POLN: variants seen among roughly 807,000 people sequenced by gnomAD.
POLN encodes the protein DNA polymerase nu, also known as DNA polymerase N.
A neutral mutation model predicts 113.5 loss-of-function variants in POLN; 108 were observed. The observed-to-expected ratio is 0.95, with a 90% CI of 0.81 to 1.12. POLN has a LOEUF of 1.12. Ranked by LOEUF, POLN falls within the 50% of genes most tolerant of loss-of-function variation. The pLI, the probability that POLN is intolerant of heterozygous loss-of-function variation, is 0.00. For synonymous variants in POLN, 386 were observed against 391.5 expected, an observed-to-expected ratio of 0.99 and a Z score of 0.17; for missense variants, 1,097 against 1,077.1, an observed-to-expected ratio of 1.02 and a Z score of -0.26.
chr4:2,073,936 G>A (rs1254310555), intron 24 of POLN, among the ~76,000 whole-genome samples: 1 of 152,222 alleles, frequency 6.6e-6, no homozygotes, highest in Non-Finnish European at 1.5e-5. Context: ...CGGCCAGCAG[G>A]TGGGCACACG....
intron 16 of POLN, 200 bp downstream of exon 16, chr4:2,156,588 C>A: frequency 1.5e-6 from 1 of 653,032 alleles, no homozygotes; most frequent in Non-Finnish European, 2.8e-6. Flanking sequence ...CTCTTGCTAA[C>A]TCAGCACTTC....
chr4:2,077,709 T>C (rs968078905), intron 23 of POLN, among the ~76,000 whole-genome samples: 1 of 152,222 alleles, frequency 6.6e-6, no homozygotes, highest in African/African-American at 2.4e-5. Context: ...TGAAATTACA[T>C]TGTGAAATTC....
chr4:2,242,102 T>C lies in POLN; in HGVS notation c.-335A>G. On this transcript the variant is annotated 5_prime_UTR_variant, in exon 1 of 26. Transcript: ENST00000511885. ...AGGAGCCCGCCGCCACCGCCCTCCG[T>C]GCCCCGCGCGCCTCGCACTGCCTCA... The C allele has an allele frequency of 1.0e-6, 1 of 985,882 alleles. No homozygotes were observed. 61.1% of individuals were successfully genotyped at this position (985,882 alleles called of 1,614,324 possible).
chr4:2,084,757 C>T (rs557959076), intron 21 of POLN, among the ~76,000 whole-genome samples: 1 of 152,224 alleles, frequency 6.6e-6, no homozygotes, highest in Non-Finnish European at 1.5e-5. Context: ...ATCTAAGATG[C>T]TGGTCCTGCT....
At chr4:2,075,315 C>T in intron 24 of POLN, 137 bp downstream of exon 24, 2 of 967,884 alleles carry the variant, frequency 2.1e-6, no homozygotes, top group Non-Finnish European at 3.0e-6. Flanking sequence ...ACCCAGGTGA[C>T]ACAGCAGCAA....
chr4:2,079,946 A>G (rs1730364711), intron 23 of POLN: 8 of 985,442 alleles, frequency 8.1e-6, no homozygotes, highest in African/African-American at 3.5e-5. Flanking sequence ...TGCAGAAAGC[A>G]GCACTGAGAG....
chr4:2,230,621 A>T (rs907988392), intron 2 of POLN: 7 of 152,074 alleles, frequency 4.6e-5, no homozygotes, highest in Non-Finnish European at 1.0e-4. Flanking sequence ...TCAAAAATCA[A>T]GAAGGTTCAT....
At chr4:2,077,551 G>A (rs1378505205) in intron 23 of POLN, among the ~76,000 whole-genome samples, 2 of 152,268 alleles carry the variant, frequency 1.3e-5, no homozygotes, top group Non-Finnish European at 2.9e-5. Flanking sequence ...CAGGCTGTCA[G>A]CACCAGCAAG....
At chr4:2,118,165 C>T (rs1162330818) in intron 19 of POLN, among the ~76,000 whole-genome samples, 1 of 152,186 alleles carries the variant, frequency 6.6e-6, no homozygotes, top group Non-Finnish European at 1.5e-5. Flanking sequence ...CAAACTTTTA[C>T]CCTTTTTTAC....
intron 6 of POLN, 97 bp downstream of exon 6, chr4:2,198,425 TAA>T: frequency 2.7e-6 from 3 of 1,128,360 alleles, no homozygotes; most frequent in Non-Finnish European, 3.6e-6. Flanking sequence ...ACAAAACTTC[TAA>T]AAGTTTAAAC....
intron 19 of POLN, among the ~76,000 whole-genome samples, chr4:2,096,728 GAGAC>G (rs1308601004): frequency 6.0e-4 from 89 of 147,984 alleles, no homozygotes; most frequent in African/African-American, 2.0e-3. Context: ...GAGAGAGAGA[GAGAC>G]ACACAGAGAG....
chr4:2,073,889 T>C (rs866310782), intron 24 of POLN, among the ~76,000 whole-genome samples: 2 of 152,268 alleles, frequency 1.3e-5, no homozygotes, highest in Admixed American at 6.5e-5. Context: ...CTCAATGTCT[T>C]CTGTGCAGGA....
intron 19 of POLN, among the ~76,000 whole-genome samples, chr4:2,106,536 T>C (rs1422719670): frequency 6.6e-6 from 1 of 152,178 alleles, no homozygotes; most frequent in Admixed American, 6.5e-5. Context: ...CTTATAAAAC[T>C]TAGCTGTTGA....
chr4:2,115,488 T>C (rs977662228), intron 19 of POLN, among the ~76,000 whole-genome samples: 26 of 152,204 alleles, frequency 1.7e-4, no homozygotes, highest in Admixed American at 5.2e-4. Context: ...TGAGACATAT[T>C]AGCATTTTAA....
intron 23 of POLN, chr4:2,080,464 A>G (rs1730381140): frequency 8.7e-7 from 1 of 1,149,774 alleles, no homozygotes; most frequent in Non-Finnish European, 1.1e-6. Context: ...GGTGGCAGCA[A>G]CAGGTAGGGG....
At chr4:2,142,745 T>TA (rs1732033676) in intron 16 of POLN, among the ~76,000 whole-genome samples, 1 of 151,978 alleles carries the variant, frequency 6.6e-6, no homozygotes, top group South Asian at 2.1e-4. Context: ...AAGGACAGCC[T>TA]AGCGAGAAAG....
chr4:2,105,839 G>GATA lies in POLN; in HGVS notation c.1983-9907_1983-9906insTAT. On this transcript the variant is annotated intron_variant, in intron 19 of 25. Transcript: ENST00000511885. ...TGATGATGATGATGATGATGATGATGATGATGATGGTGATGATAAAATGGA... is the reference window on the plus strand; with the variant it reads ...TGATGATGATGATGATGATGATGATGATAATGATGATGGTGATGATAAAATGGA... Among the ~76,000 whole-genome samples, 3 of 151,846 alleles carry GATA rather than the reference G, an allele frequency of 2.0e-5. No individual in the cohort carries two copies. In the East Asian group the frequency reaches 5.8e-4, roughly 29 times the overall value.
chr4:2,240,845 A>T (rs780264592), intron 2 of POLN: 1 of 1,613,448 alleles, frequency 6.2e-7, no homozygotes, highest in South Asian at 1.1e-5. Context: ...ATTCATCTTC[A>T]ACGCCCTCAA....
chr4:2,191,467 C>T (rs1198471843), intron 7 of POLN, among the ~76,000 whole-genome samples: 1 of 151,976 alleles, frequency 6.6e-6, no homozygotes, highest in Non-Finnish European at 1.5e-5. Flanking sequence ...TTGTATATTT[C>T]AAAATAGCTA....
Sources: gnomAD v4.1 joint callset for allele counts (sites outside exome capture counted in the v4.1 genomes callset) on GRCh38, gnomAD v4.1.1 for gene constraint, MANE v1.5 for transcripts, NCBI Gene and HGNC (gene_info 2026-07-23, HGNC 2026-07-21) for gene names.